RIF1: variants seen among roughly 807,000 people sequenced by gnomAD.
RIF1 encodes the protein telomere-associated protein RIF1.
A neutral mutation model predicts 247.1 loss-of-function variants in RIF1; 45 were observed. The ratio of observed to expected loss-of-function variants is 0.18; its 90% CI spans 0.14 to 0.23. RIF1 has a LOEUF of 0.23. RIF1 is among the 10% of genes least tolerant of loss of function. The pLI is 1.00. For missense variants in RIF1, 2,967 were observed against 2,862.5 expected (o/e 1.04, Z -0.83); for synonymous variants, 1,087 against 978.8 (o/e 1.11, Z -2.06).
At chr2:151,446,314 G>T (rs2152410173) in intron 19 of RIF1, 112 bp from the exon 20 acceptor site, 2,694 of 805,230 alleles carry the variant, frequency 3.3e-3, no homozygotes, top group Middle Eastern at 7.1e-3. Context: ...TGTCTTTTTT[G>T]ACACACTAAA....
chr2:151,438,673 T>C lies in RIF1; in HGVS notation c.1484-11T>C, dbSNP rs776273739. ...TTCATTTAAAATACTCAAGTTTATT[T>C]TGTTTGACAGATGTGGTTGTCAGTG... On this transcript the variant is annotated splice_polypyrimidine_tract_variant and intron_variant, in intron 13 of 35. Transcript: ENST00000444746. The C allele has an allele frequency of 1.2e-6, 2 of 1,602,124 alleles. No homozygotes were observed. Among genetic ancestry groups the C allele is most frequent in the East Asian group, 2.2e-5 (1 of 44,796 alleles).
chr2:151,468,401 T>TAGAG (rs1697290319), intron 31 of RIF1, 73 bp from the exon 32 acceptor site: 15 of 1,225,694 alleles, frequency 1.2e-5, no homozygotes, highest in Non-Finnish European at 1.7e-5. Flanking sequence ...GATTGCAGTC[T>TAGAG]AAGTTGTAAA....
the RIF1 span, chr2:151,531,188 A>C: frequency 4.8e-6 from 4 of 838,468 alleles, no homozygotes; most frequent in Non-Finnish European, 7.8e-6. Flanking sequence ...TTCCTGAGTG[A>C]ATATAAAGGA....
chr2:151,425,126 T>C (rs2152241003), intron 8 of RIF1, among the ~76,000 whole-genome samples: 1 of 152,232 alleles, frequency 6.6e-6, no homozygotes, highest in African/African-American at 2.4e-5. Context: ...ATTGATTTGG[T>C]ATAGATTTGC....
chr2:151,492,234 TG>T lies in RIF1; in HGVS notation c.*416-2993del. 1 of 1,613,950 alleles carries T rather than the reference TG, an allele frequency of 6.2e-7. No individual in the cohort carries two copies. Among genetic ancestry groups the T allele is most frequent in the Middle Eastern group, 1.7e-4 (1 of 6,060 alleles). ...GTTCAGTGATAGGATCTGTCACCACTGGTGTGAAGCAACCCTTGTGTTTCTC... is the reference window on the plus strand; with the variant it reads ...GTTCAGTGATAGGATCTGTCACCACTGTGTGAAGCAACCCTTGTGTTTCTC... On this transcript the variant is annotated intron_variant and NMD_transcript_variant, in intron 9 of 13. Transcript: ENST00000454583.
At position 151,454,875 on chromosome 2, in the gene RIF1, A is replaced by G. The variant is rs1401056984; in HGVS notation, c.2345-20A>G. 1.3e-6 allele frequency: 2 copies of G among 1,534,880 alleles called. No homozygotes were observed. Among genetic ancestry groups the G allele is most frequent in the Non-Finnish European group, 1.8e-6 (2 of 1,141,056 alleles). On this transcript the variant is annotated intron_variant, in intron 21 of 35. Coordinates refer to ENST00000444746, the MANE Select transcript of RIF1 (RefSeq NM_018151.5). ...TTTCAATTTATTTGAGTTTTTAATTAATTCAGTTTTTGTTTTTAGCACCAC... is the reference window on the plus strand; with the variant it reads ...TTTCAATTTATTTGAGTTTTTAATTGATTCAGTTTTTGTTTTTAGCACCAC...
rs1240244414 is a variant in RIF1 at position 151,480,633 on chromosome 2, G to C, written c.*5562G>C. On this transcript the variant is annotated 3_prime_UTR_variant, in exon 36 of 36. Transcript: ENST00000444746. ...AGTATTTCCAACAAAAGGCAGCTTT[G>C]TTTCTTAAACGGATAAACAACATAT... 1.3e-5 allele frequency: 2 copies of C among 152,114 alleles called. No homozygotes were observed. The highest frequency in any genetic ancestry group is 1.3e-4 in the Admixed American group (2 of 15,264). 9.4% of individuals were successfully genotyped at this position (152,114 alleles called of 1,614,324 possible).
chr2:151,444,816 A>T (rs937683321), intron 18 of RIF1, among the ~76,000 whole-genome samples: 1 of 152,190 alleles, frequency 6.6e-6, no homozygotes, highest in Non-Finnish European at 1.5e-5. Flanking sequence ...AACATAGTGC[A>T]TAATTTCCCC....
the RIF1 span, chr2:151,516,553 T>G: frequency 5.0e-6 from 8 of 1,607,404 alleles, no homozygotes; most frequent in Non-Finnish European, 6.8e-6. Context: ...ATACTTTTCT[T>G]TGTATTTCAC....
At chr2:151,466,848 T>C (rs542815551) in intron 30 of RIF1, among the ~76,000 whole-genome samples, 61 of 152,372 alleles carry the variant, frequency 4.0e-4, no homozygotes, top group Middle Eastern at 3.4e-3. Context: ...TGCTATTCAT[T>C]GTAGAATACA....
chr2:151,465,692 A>G lies in RIF1; in HGVS notation c.6172A>G (p.Met2058Val). The G allele has an allele frequency of 6.2e-7, 1 of 1,614,218 alleles. No homozygotes were observed. The highest frequency in any genetic ancestry group is 1.1e-5 in the South Asian group (1 of 91,084). Residue 2058 changes from methionine to valine, a missense_variant, in exon 30 of 36, where the codon ATG becomes GTG. Physicochemically the swap from Met to Val is conservative, Grantham distance 21 (BLOSUM62 1). Transcript: ENST00000444746. ...AAAGCCTGATGAAGCTGAAACAAAC[A>G]TGTTGACTGCAGAAATGGACAACTT... ...TSKPDEAETNMLTAEMDNFVC... is the reference protein window; with the variant it reads ...TSKPDEAETNVLTAEMDNFVC...
chr2:151,468,593 G>GTTCAGCAGTTGA, intron 32 of RIF1, 42 bp downstream of exon 32: 4 of 1,602,266 alleles, frequency 2.5e-6, no homozygotes, highest in Non-Finnish European at 3.4e-6. Context: ...ATATTTTCAT[G>GTTCAGCAGTTGA]TTCAGTCAGT....
chr2:151,517,292 C>T, the RIF1 span, among the ~76,000 whole-genome samples: 7 of 152,302 alleles, frequency 4.6e-5, no homozygotes, highest in South Asian at 1.0e-3. Context: ...CCCTCATGCA[C>T]GCAGCACCTT....
chr2:151,419,684 CT>C (rs1455168431), intron 6 of RIF1, among the ~76,000 whole-genome samples: 1 of 152,178 alleles, frequency 6.6e-6, no homozygotes, highest in Non-Finnish European at 1.5e-5. Context: ...ATGCGCCGTA[CT>C]TTTATATGAA....
intron 9 of RIF1, among the ~76,000 whole-genome samples, chr2:151,432,145 A>G (rs2152308996): frequency 6.6e-6 from 1 of 152,180 alleles, no homozygotes; most frequent in East Asian, 1.9e-4. Flanking sequence ...AGTAGCTGGT[A>G]TTACAGGAGC....
intron 35 of RIF1, 129 bp from the exon 36 acceptor site, chr2:151,474,728 T>A: frequency 1.6e-6 from 1 of 637,828 alleles, no homozygotes; most frequent in African/African-American, 1.8e-5. Flanking sequence ...TGTGTGCTTG[T>A]CCTCATGAAG....
intron 8 of RIF1, among the ~76,000 whole-genome samples, chr2:151,425,358 T>TA (rs1390642635): frequency 6.6e-6 from 1 of 152,154 alleles, no homozygotes; most frequent in East Asian, 1.9e-4. Flanking sequence ...GCTTTCTTGG[T>TA]AATATCCATT....
the RIF1 span, chr2:151,533,605 G>T: frequency 9.2e-7 from 1 of 1,087,544 alleles, no homozygotes; most frequent in Non-Finnish European, 1.4e-6. Flanking sequence ...AAAAGAACAC[G>T]GCTCTATATC....
rs757767649 is a variant in RIF1, at chr2:151,465,873, A to C, written c.6353A>C (p.Gln2118Pro). Residue 2118 changes from glutamine (Q) to proline (P), a missense_variant, in exon 30 of 36, where the codon CAG becomes CCG. By Grantham distance (76) the Gln-to-Pro change is moderately conservative (BLOSUM62 -1). This residue lies in a region of RIF1 where 2,028 missense variants were observed against 1,825.6 expected (regional missense o/e 1.11). Coordinates refer to ENST00000444746, the MANE Select transcript of RIF1 (RefSeq NM_018151.5). Reference protein sequence around the residue: ...DILQEDHHTSQKVEEPSQCLA... With the variant: ...DILQEDHHTSPKVEEPSQCLA... The stretch of plus-strand genomic sequence containing the variant: ...TTACAGGAAGATCACCATACTTCAC[A>C]GAAAGTGGAGGAACCATCACAGTGT... The C allele has an allele frequency of 1.4e-5, 22 of 1,613,586 alleles. No homozygotes were observed. The highest frequency in any genetic ancestry group is 1.8e-5 in the Non-Finnish European group (21 of 1,179,558).
Sources: allele counts gnomAD v4.1 joint callset (sites outside exome capture counted in the v4.1 genomes callset), GRCh38; gene constraint gnomAD v4.1.1; regional missense constraint gnomAD v4.1.1; transcripts MANE v1.5; gene names NCBI Gene and HGNC (gene_info 2026-07-23, HGNC 2026-07-21).